EYA1: variants seen among roughly 807,000 people sequenced by gnomAD.
EYA1 encodes the protein protein phosphatase EYA1.
A neutral mutation model predicts 82.0 loss-of-function variants in EYA1; 16 were observed. The observed-to-expected ratio is 0.20, with a 90% CI of 0.13 to 0.30. The LOEUF (loss-of-function observed/expected upper bound fraction) is 0.30, where lower values mean the gene tolerates loss of function less well. Among genes scored for constraint, EYA1 ranks in the 10% least tolerant of loss-of-function variants. The pLI is 1.00. For synonymous variants in EYA1, 261 were observed against 264.4 expected, an observed-to-expected ratio of 0.99 and a Z score of 0.12; for missense variants, 633 against 730.7, an observed-to-expected ratio of 0.87 and a Z score of 1.54.
At chr8:71,545,305 A>G (rs1216867027) in intron 1 of EYA1, among the ~76,000 whole-genome samples, 1 of 152,270 alleles carries the variant, frequency 6.6e-6, no homozygotes, top group Non-Finnish European at 1.5e-5. Context: ...AAAAGGTCAT[A>G]AAACCATAAT....
At chr8:71,301,586 G>A (rs1001922276) in intron 7 of EYA1, among the ~76,000 whole-genome samples, 3 of 152,056 alleles carry the variant, frequency 2.0e-5, no homozygotes, top group African/African-American at 4.8e-5. Context: ...ATTAAGAAGG[G>A]AATCTATATC....
intron 12 of EYA1, among the ~76,000 whole-genome samples, chr8:71,227,266 T>A (rs1810672957): frequency 6.6e-6 from 1 of 152,196 alleles, no homozygotes. Flanking sequence ...TTCAACGGGC[T>A]TGCTCATCAT....
chr8:71,329,018 T>C (rs72654170), intron 4 of EYA1, among the ~76,000 whole-genome samples: 11 of 152,276 alleles, frequency 7.2e-5, no homozygotes, highest in Non-Finnish European at 1.2e-4. Context: ...AAACAGAATC[T>C]CTGTTCTCAT....
chr8:71,250,305 G>T (rs988816182), intron 11 of EYA1, among the ~76,000 whole-genome samples: 1 of 152,158 alleles, frequency 6.6e-6, no homozygotes, highest in Non-Finnish European at 1.5e-5. Context: ...CTAAACTGGG[G>T]CAAAGAATCT....
At chr8:71,508,502 C>T (rs898271161) in intron 2 of EYA1, among the ~76,000 whole-genome samples, 79 of 152,278 alleles carry the variant, frequency 5.2e-4, no homozygotes, top group African/African-American at 1.9e-3. Flanking sequence ...TATGTCCCCA[C>T]AAAATTCCTG....
intron 9 of EYA1, among the ~76,000 whole-genome samples, chr8:71,286,045 C>T (rs780812037): frequency 2.0e-5 from 3 of 152,122 alleles, no homozygotes; most frequent in Admixed American, 6.6e-5. Flanking sequence ...ATGGACCACA[C>T]GGGTCTTCTT....
intron 2 of EYA1, among the ~76,000 whole-genome samples, chr8:71,424,369 C>T (rs1563600765): frequency 6.6e-6 from 1 of 152,198 alleles, no homozygotes; most frequent in Non-Finnish European, 1.5e-5. Flanking sequence ...AGAAAATAGG[C>T]ATGACCATTG....
chr8:71,364,498 G>A (rs1445575045), upstream of EYA1, among the ~76,000 whole-genome samples: 3 of 151,876 alleles, frequency 2.0e-5, no homozygotes, highest in East Asian at 1.9e-4. Flanking sequence ...AGTATGTAAC[G>A]TAACCATATA....
chr8:71,253,567 C>A (rs1814014744), intron 11 of EYA1, among the ~76,000 whole-genome samples: 1 of 152,062 alleles, frequency 6.6e-6, no homozygotes, highest in African/African-American at 2.4e-5. Flanking sequence ...AATATTTATT[C>A]TTACACTGAG....
At chr8:71,286,596 T>G (rs568620570) in intron 9 of EYA1, among the ~76,000 whole-genome samples, 1 of 152,140 alleles carries the variant, frequency 6.6e-6, no homozygotes. Flanking sequence ...TTAGCTGTGC[T>G]GAGAATAGAA....
intron 3 of EYA1, 152 bp downstream of exon 3, chr8:71,354,630 A>G: frequency 1.3e-6 from 1 of 752,598 alleles, no homozygotes; most frequent in South Asian, 1.5e-5. Context: ...CCTAACAATG[A>G]GTACTGATTG....
chr8:71,203,919 T>G (rs1807399934), intron 17 of EYA1, among the ~76,000 whole-genome samples: 1 of 152,076 alleles, frequency 6.6e-6, no homozygotes, highest in African/African-American at 2.4e-5. Flanking sequence ...CATGTCTGAG[T>G]GGGCCAACTG....
At chr8:71,247,441 G>A (rs1363592053) in intron 11 of EYA1, among the ~76,000 whole-genome samples, 1 of 152,200 alleles carries the variant, frequency 6.6e-6, no homozygotes, top group Non-Finnish European at 1.5e-5. Flanking sequence ...AGAAGGCAGA[G>A]AGGAAATAAA....
intron 2 of EYA1, among the ~76,000 whole-genome samples, chr8:71,532,361 C>G (rs1461622163): frequency 6.6e-6 from 1 of 152,178 alleles, no homozygotes; most frequent in Non-Finnish European, 1.5e-5. Flanking sequence ...CAAAATTACA[C>G]TGGTAGCTAT....
intron 2 of EYA1, among the ~76,000 whole-genome samples, chr8:71,424,840 G>A (rs976193423): frequency 6.6e-6 from 1 of 151,930 alleles, no homozygotes; most frequent in Non-Finnish European, 1.5e-5. Flanking sequence ...GCGGCTCTAC[G>A]GGCTAAGAGC....
chr8:71,440,737 T>C (rs1023077504), intron 2 of EYA1, among the ~76,000 whole-genome samples: 1 of 152,156 alleles, frequency 6.6e-6, no homozygotes, highest in Non-Finnish European at 1.5e-5. Context: ...GAGATACAAA[T>C]TTTTGAATTG....
chr8:71,334,446 T>C (rs766811428), intron 3 of EYA1: 1 of 464,242 alleles, frequency 2.2e-6, no homozygotes. Context: ...ACATATTTAC[T>C]GAATTACTTA....
At chr8:71,482,720 A>T (rs1260655266) in intron 2 of EYA1, among the ~76,000 whole-genome samples, 1 of 152,240 alleles carries the variant, frequency 6.6e-6, no homozygotes, top group Non-Finnish European at 1.5e-5. Context: ...CTACTGACAT[A>T]CACGATAACA....
At chr8:71,353,211 G>T (rs1339952759) in intron 3 of EYA1, among the ~76,000 whole-genome samples, 5 of 152,170 alleles carry the variant, frequency 3.3e-5, no homozygotes, top group Admixed American at 2.6e-4. Context: ...TCCTGCATGA[G>T]GCCTGCCGGC....
Sources: allele counts gnomAD v4.1 joint callset (sites outside exome capture counted in the v4.1 genomes callset), GRCh38; gene constraint gnomAD v4.1.1; transcripts MANE v1.5; gene names NCBI Gene and HGNC (gene_info 2026-07-23, HGNC 2026-07-21).